The following EDAR variants were observed in gnomAD, a reference collection of about 807,000 sequenced individuals.
The protein encoded by EDAR is ectodysplasin A receptor, also known as tumor necrosis factor receptor superfamily member EDAR.
EDAR carries 38 observed loss-of-function variants against 51.3 expected under a neutral mutation model. The ratio of observed to expected loss-of-function variants is 0.74; its 90% CI spans 0.57 to 0.97. The LOEUF (loss-of-function observed/expected upper bound fraction) is 0.97, where lower values mean the gene tolerates loss of function less well. Ranked by LOEUF, EDAR falls within the 50% of genes least tolerant of loss-of-function variation. The pLI is 0.00. For synonymous variants in EDAR, 227 were observed against 242.1 expected, an observed-to-expected ratio of 0.94 and a Z score of 0.58; for missense variants, 528 against 595.0, an observed-to-expected ratio of 0.89 and a Z score of 1.17.
Position 108,930,957 on chromosome 2 carries a change from C to A in EDAR, c.51+7G>T. On this transcript the variant is annotated splice_region_variant and intron_variant, in intron 2 of 11. Coordinates refer to ENST00000258443, the MANE Select transcript of EDAR (RefSeq NM_022336.4). ...TGCTGTGGGGGTAAGGGGCTCAGAC[C>A]ACTTACCACCAGGACGGGGAGCCAG... 6.2e-7 allele frequency: 1 copy of A among 1,613,852 alleles called. No individual in the cohort carries two copies. Among genetic ancestry groups the A allele is most frequent in the African/African-American group, 1.3e-5 (1 of 75,028 alleles).
chr2:108,952,489 C>A (rs987414604), intron 1 of EDAR, among the ~76,000 whole-genome samples: 3 of 152,184 alleles, frequency 2.0e-5, no homozygotes. Flanking sequence ...CTTCTACAGC[C>A]TCCAATACAT....
At chr2:108,910,676 CATGTGAG>C (rs1696909470) in intron 8 of EDAR, 93 bp downstream of exon 8, 1 of 1,456,662 alleles carries the variant, frequency 6.9e-7, no homozygotes, top group East Asian at 2.3e-5. Flanking sequence ...TATGGTTCAG[CATGTGAG>C]AGCAGAAGCA....
chr2:108,927,067 G>A (rs754587853), intron 4 of EDAR, among the ~76,000 whole-genome samples: 8 of 152,224 alleles, frequency 5.3e-5, no homozygotes, highest in East Asian at 1.9e-4. Context: ...TTTGGTGGGC[G>A]TTGGGACTGG....
chr2:108,942,927 C>T (rs1458308051), intron 1 of EDAR, among the ~76,000 whole-genome samples: 1 of 152,226 alleles, frequency 6.6e-6, no homozygotes, highest in East Asian at 1.9e-4. Context: ...TCTCCCTGCT[C>T]CTAATCCTGG....
At position 108,923,401 on chromosome 2, in the gene EDAR, A is replaced by T. The variant is rs998140625; in HGVS notation, c.409T>A (p.Ser137Thr). ...GTGTTGGGGGGTGCCAGGAGGCAGG[A>T]GTAGCAGACCATGCCATAGATGTTC... ...PRNIYGMVCY[S>T]CLLAPPNTKE... Residue 137 changes from serine to threonine, a missense_variant, in exon 5 of 12, where the codon TCC becomes ACC. By Grantham distance (58) the Ser-to-Thr change is moderately conservative. Coordinates refer to ENST00000258443, the MANE Select transcript of EDAR (RefSeq NM_022336.4). The T allele has an allele frequency of 6.2e-7, 1 of 1,614,218 alleles. No homozygotes were observed. The highest frequency in any genetic ancestry group is 8.5e-7 in the Non-Finnish European group (1 of 1,180,034).
chr2:108,971,020 G>A lies in EDAR; in HGVS notation c.-19+17940C>T, dbSNP rs547156800. ...TGATGCTGTGTCCTGCTGTGGACCTGAGGGGACAGGGGATGATGCTGGTGG... is the reference window on the plus strand; with the variant it reads ...TGATGCTGTGTCCTGCTGTGGACCTAAGGGGACAGGGGATGATGCTGGTGG... On this transcript the variant is annotated intron_variant, in intron 1 of 11. Transcript: ENST00000258443. Among the ~76,000 whole-genome samples, 4 of 152,280 alleles carry A rather than the reference G, an allele frequency of 2.6e-5. No individual in the cohort carries two copies. The South Asian group carries it at 8.3e-4, about 32-fold the overall frequency.
chr2:108,934,419 A>G (rs1302077877), intron 1 of EDAR, among the ~76,000 whole-genome samples: 1 of 152,144 alleles, frequency 6.6e-6, no homozygotes, highest in East Asian at 1.9e-4. Flanking sequence ...CTGCTGGGGT[A>G]TGAGACCAAG....
At chr2:108,975,847 C>T (rs1226231064) in intron 1 of EDAR, among the ~76,000 whole-genome samples, 1 of 152,194 alleles carries the variant, frequency 6.6e-6, no homozygotes, top group Non-Finnish European at 1.5e-5. Context: ...CACCCCTCAA[C>T]TGCTGGACGG....
intron 1 of EDAR, among the ~76,000 whole-genome samples, chr2:108,935,549 CCTT>C (rs1429520537): frequency 6.6e-6 from 1 of 152,154 alleles, no homozygotes; most frequent in Admixed American, 6.5e-5. Flanking sequence ...ATGTTTAATT[CCTT>C]CTGGGAGCCC....
intron 5 of EDAR, 91 bp from the exon 6 acceptor site, chr2:108,912,855 A>G (rs2105405938): frequency 9.1e-7 from 1 of 1,100,652 alleles, no homozygotes; most frequent in Non-Finnish European, 1.3e-6. Context: ...ATTCATGATC[A>G]TGAATGGGCC....
chr2:108,903,768 T>C (rs907653492), intron 11 of EDAR, among the ~76,000 whole-genome samples: 2 of 152,162 alleles, frequency 1.3e-5, no homozygotes, highest in Admixed American at 6.5e-5. Context: ...ATGCAAAATA[T>C]AAAACTATGT....
rs148608779 is a variant in EDAR at position 108,936,187 on chromosome 2, T to C, written c.-18-5155A>G. ...CTCCCTGAAAGGGCCACACCTCATA[T>C]CTGTGGGAAGCAGCTGAGGCCAGGT... On this transcript the variant is annotated intron_variant, in intron 1 of 11. Coordinates refer to ENST00000258443, the MANE Select transcript of EDAR (RefSeq NM_022336.4). 3.2e-3 allele frequency among the ~76,000 whole-genome samples: 487 copies of C among 152,352 alleles called. 1 individual carries two copies. Among genetic ancestry groups the C allele is most frequent in the Non-Finnish European group, 3.3e-3 (222 of 68,028 alleles).
chr2:108,982,718 T>C (rs987764535), intron 1 of EDAR, among the ~76,000 whole-genome samples: 1 of 152,170 alleles, frequency 6.6e-6, no homozygotes, highest in African/African-American at 2.4e-5. Context: ...CTAGAGAAAG[T>C]TTGGTCTCCT....
intron 1 of EDAR, among the ~76,000 whole-genome samples, chr2:108,976,109 G>A (rs1027055205): frequency 2.0e-5 from 3 of 152,154 alleles, no homozygotes; most frequent in Non-Finnish European, 2.9e-5. Context: ...GATGTCCTTA[G>A]TTTTCTCCTA....
At chr2:108,921,258 T>A (rs1000826790) in intron 5 of EDAR, among the ~76,000 whole-genome samples, 2 of 152,144 alleles carry the variant, frequency 1.3e-5, no homozygotes, top group East Asian at 3.9e-4. Flanking sequence ...ACCCTGACAC[T>A]GACCTGGGCT....
rs56156184 is a variant in EDAR, at chr2:108,985,209, TAAC to T, written c.-19+3748_-19+3750del. 9.8e-3 allele frequency among the ~76,000 whole-genome samples: 1,492 copies of T among 152,348 alleles called. 19 individuals are homozygous for T. The highest frequency in any genetic ancestry group is 0.02 in the Middle Eastern group (6 of 294). ...TATCTAGCTATTGAATGGTATCAGTTAACAACATCAGCCTTAAGCCCACCACTA... is the reference window on the plus strand; with the variant it reads ...TATCTAGCTATTGAATGGTATCAGTTAACATCAGCCTTAAGCCCACCACTA... On this transcript the variant is annotated intron_variant, in intron 1 of 11. Coordinates refer to ENST00000258443, the MANE Select transcript of EDAR (RefSeq NM_022336.4).
intron 1 of EDAR, among the ~76,000 whole-genome samples, chr2:108,936,909 T>C (rs1203263331): frequency 6.6e-6 from 1 of 152,252 alleles, no homozygotes; most frequent in Non-Finnish European, 1.5e-5. Context: ...CTTGCCAGCC[T>C]GAAGTCCTCA....
intron 1 of EDAR, among the ~76,000 whole-genome samples, chr2:108,939,486 G>T (rs1697547459): frequency 6.6e-6 from 1 of 152,182 alleles, no homozygotes; most frequent in African/African-American, 2.4e-5. Context: ...AGGTGGGGAG[G>T]TCAGGAGGAC....
intron 5 of EDAR, among the ~76,000 whole-genome samples, chr2:108,915,897 C>CA (rs111582688): frequency 5.4e-4 from 79 of 145,004 alleles, no homozygotes; most frequent in Middle Eastern, 3.5e-3. Context: ...AACTCCATCT[C>CA]AAAAAAAAAA....
Sources: allele counts gnomAD v4.1 joint callset (sites outside exome capture counted in the v4.1 genomes callset), GRCh38; gene constraint gnomAD v4.1.1; transcripts MANE v1.5; gene names NCBI Gene and HGNC (gene_info 2026-07-23, HGNC 2026-07-21).